Variants in FZD3 observed in about 807,000 individuals in gnomAD.
FZD3 encodes frizzled-3.
Under a neutral mutation model 60.7 loss-of-function variants are expected in FZD3, and 30 were observed. The observed-to-expected ratio is 0.49, with a 90% CI of 0.37 to 0.67. FZD3 has a LOEUF of 0.67. FZD3 is among the 30% of genes least tolerant of loss of function. The pLI is 0.00. For missense variants in FZD3, 605 were observed against 838.7 expected (o/e 0.72, Z 3.44); for synonymous variants, 246 against 275.2 (o/e 0.89, Z 1.05).
intron 3 of FZD3, among the ~76,000 whole-genome samples, chr8:28,514,030 A>T (rs1299072023): frequency 2.0e-5 from 3 of 152,200 alleles, no homozygotes; most frequent in Non-Finnish European, 4.4e-5. Context: ...AAAGAATGGA[A>T]GGTTCCCTGT....
At chr8:28,559,914 A>C (rs1248965966) in intron 7 of FZD3, among the ~76,000 whole-genome samples, 1 of 152,204 alleles carries the variant, frequency 6.6e-6, no homozygotes, top group Non-Finnish European at 1.5e-5. Context: ...TCTCTGTGCT[A>C]TATAAAACAA....
intron 1 of FZD3, among the ~76,000 whole-genome samples, chr8:28,497,842 G>A (rs769091148): frequency 2.6e-5 from 4 of 152,076 alleles, no homozygotes; most frequent in African/African-American, 7.2e-5. Flanking sequence ...CACCTCCTGC[G>A]TTTCCCACCG....
Position 28,542,739 on chromosome 8 carries a change from C to G in FZD3, c.1405-8864C>G, listed in dbSNP as rs569125999. On this transcript the variant is annotated intron_variant, in intron 5 of 7. Transcript: ENST00000240093. Reference sequence around the variant, plus strand: ...CTTGTGTTTTAGTTCTTATTGCTACCTGAAATTGTAAGATTTCTTTAGTTC... The same window carrying G: ...CTTGTGTTTTAGTTCTTATTGCTACGTGAAATTGTAAGATTTCTTTAGTTC... 4.6e-5 allele frequency among the ~76,000 whole-genome samples: 7 copies of G among 152,298 alleles called. No individual in the cohort carries two copies. In the East Asian group the frequency reaches 1.3e-3, roughly 29 times the overall value.
At chr8:28,501,150 T>C (rs1225793031) in intron 2 of FZD3, among the ~76,000 whole-genome samples, 1 of 152,224 alleles carries the variant, frequency 6.6e-6, no homozygotes, top group Non-Finnish European at 1.5e-5. Flanking sequence ...ATTTCTGATG[T>C]AGAACATGAG....
At chr8:28,517,248 G>A (rs989328185) in intron 3 of FZD3, among the ~76,000 whole-genome samples, 4 of 152,114 alleles carry the variant, frequency 2.6e-5, no homozygotes, top group Non-Finnish European at 4.4e-5. Context: ...TTTTCACTCA[G>A]CTTTTTTAAA....
rs1805831651 is a variant in FZD3 at position 28,572,924 on chromosome 8, C to T, written c.*9913C>T. On this transcript the variant is annotated 3_prime_UTR_variant, in exon 8 of 8. Coordinates refer to ENST00000240093, the MANE Select transcript of FZD3 (RefSeq NM_017412.4). Reference sequence around the variant, plus strand: ...GTTGTTCCAAATTCAGACTACATCTCATCATATAAATAATATTATGAATAA... The same window carrying T: ...GTTGTTCCAAATTCAGACTACATCTTATCATATAAATAATATTATGAATAA... The T allele has an allele frequency of 6.6e-6, 1 of 152,084 alleles. No homozygotes were observed. The highest frequency in any genetic ancestry group is 2.1e-4 in the South Asian group (1 of 4,822). The allele number at this position is 152,084 out of a possible 1,614,324, so 9.4% of individuals were successfully genotyped here. A position where few individuals can be genotyped will look rare whatever the true frequency, so the allele number is the denominator to read the frequency against.
chr8:28,511,010 C>T (rs1167800232), intron 3 of FZD3, among the ~76,000 whole-genome samples: 1 of 152,016 alleles, frequency 6.6e-6, no homozygotes, highest in Non-Finnish European at 1.5e-5. Context: ...GCACTCCAGC[C>T]TGGGCAACGG....
At chr8:28,561,297 T>C (rs1805608181) in intron 7 of FZD3, among the ~76,000 whole-genome samples, 1 of 152,156 alleles carries the variant, frequency 6.6e-6, no homozygotes. Flanking sequence ...CCTCAAGTGA[T>C]CTGCCCATCT....
intron 1 of FZD3, among the ~76,000 whole-genome samples, chr8:28,495,622 T>G (rs1416624600): frequency 6.6e-6 from 1 of 152,178 alleles, no homozygotes; most frequent in Non-Finnish European, 1.5e-5. Flanking sequence ...CTTAGTTCTA[T>G]TATTAAGAAG....
At chr8:28,513,362 C>T (rs1249924046) in intron 3 of FZD3, among the ~76,000 whole-genome samples, 1 of 152,126 alleles carries the variant, frequency 6.6e-6, no homozygotes, top group East Asian at 1.9e-4. Context: ...TCTCTGGGAA[C>T]TCTGCTTTGA....
chr8:28,545,823 T>C (rs527360822), intron 5 of FZD3, among the ~76,000 whole-genome samples: 1 of 152,340 alleles, frequency 6.6e-6, no homozygotes, highest in East Asian at 1.9e-4. Context: ...TCATATTTAA[T>C]ATATGTATAA....
intron 3 of FZD3, among the ~76,000 whole-genome samples, chr8:28,514,812 C>T (rs1405587155): frequency 6.6e-6 from 1 of 152,214 alleles, no homozygotes; most frequent in Non-Finnish European, 1.5e-5. Flanking sequence ...AGGCCTGCTA[C>T]AGCTCTATTA....
chr8:28,537,367 A>G lies in FZD3; in HGVS notation c.1404+9203A>G, dbSNP rs78571179. On this transcript the variant is annotated intron_variant, in intron 5 of 7. Transcript: ENST00000240093. ...TTCAGTTTAAGTCTCCACTGCAGAA[A>G]TACCTGATATGCAAATAGTTTATAC... is the stretch of plus-strand genomic sequence containing the variant. Among the ~76,000 whole-genome samples, 706 of 152,384 alleles carry G rather than the reference A, an allele frequency of 4.6e-3. 24 individuals carry two copies. The East Asian group carries it at 0.089, about 19-fold the overall frequency.
At chr8:28,545,453 A>C (rs1344863945) in intron 5 of FZD3, among the ~76,000 whole-genome samples, 2 of 152,168 alleles carry the variant, frequency 1.3e-5, no homozygotes, top group Non-Finnish European at 2.9e-5. Context: ...GGTTTCATGA[A>C]GGGAGGGAAA....
chr8:28,555,682 T>C (rs1805494783), intron 6 of FZD3, 56 bp from the exon 7 acceptor site: 3 of 960,348 alleles, frequency 3.1e-6, no homozygotes, highest in Admixed American at 3.6e-5. Context: ...GAAGTATTGC[T>C]TATTGGTCTG....
At chr8:28,506,046 T>G (rs928299764) in intron 3 of FZD3, among the ~76,000 whole-genome samples, 2 of 152,232 alleles carry the variant, frequency 1.3e-5, no homozygotes, top group Non-Finnish European at 2.9e-5. Flanking sequence ...AAATGCTCAC[T>G]TCTGAGCCTT....
chr8:28,530,159 T>C (rs1804831205), intron 5 of FZD3, among the ~76,000 whole-genome samples: 1 of 150,544 alleles, frequency 6.6e-6, no homozygotes, highest in Non-Finnish European at 1.5e-5. Context: ...GGATTAATAG[T>C]GTTTTCTGAG....
intron 2 of FZD3, 40 bp from the exon 3 acceptor site, chr8:28,502,630 A>G (rs944984876): frequency 6.4e-6 from 1 of 156,654 alleles, no homozygotes; most frequent in South Asian, 2.0e-4. Context: ...TTGAGAGGAA[A>G]TGACTAATTT....
intron 5 of FZD3, among the ~76,000 whole-genome samples, chr8:28,539,914 T>A (rs1805119259): frequency 6.6e-6 from 1 of 151,952 alleles, no homozygotes; most frequent in Non-Finnish European, 1.5e-5. Flanking sequence ...GCATGAGTAG[T>A]TTTTTTTCTA....
Sources: allele counts gnomAD v4.1 joint callset (sites outside exome capture counted in the v4.1 genomes callset), GRCh38; gene constraint gnomAD v4.1.1; transcripts MANE v1.5; gene names NCBI Gene and HGNC (gene_info 2026-07-23, HGNC 2026-07-21).